ATP8A2: variants seen among roughly 807,000 people sequenced by gnomAD.
ATP8A2 encodes ATPase phospholipid transporting 8A2, also known as phospholipid-transporting ATPase IB.
ATP8A2 carries 100 observed loss-of-function variants against 165.6 expected under a neutral mutation model. The observed-to-expected ratio is 0.60, with a 90% CI of 0.51 to 0.71. The LOEUF (loss-of-function observed/expected upper bound fraction) is 0.71. Among genes scored for constraint, ATP8A2 ranks in the 30% least tolerant of loss-of-function variants. The pLI is 0.00. For synonymous variants in ATP8A2, 543 were observed against 548.8 expected (o/e 0.99, Z 0.15); for missense variants, 1,227 against 1,479.5 (o/e 0.83, Z 2.80).
intron 24 of ATP8A2, among the ~76,000 whole-genome samples, chr13:25,599,033 A>ATT (rs546770126): frequency 1.3e-5 from 2 of 148,560 alleles, no homozygotes; most frequent in Non-Finnish European, 3.0e-5. Context: ...AGCCCTGGGA[A>ATT]TTTTTTTTTT....
intron 24 of ATP8A2, among the ~76,000 whole-genome samples, chr13:25,632,688 C>T (rs2041271391): frequency 6.6e-6 from 1 of 152,100 alleles, no homozygotes; most frequent in African/African-American, 2.4e-5. Context: ...GTAGGATGGG[C>T]CTTAGGTAAA....
At chr13:25,705,922 G>A (rs754240486) in intron 25 of ATP8A2, among the ~76,000 whole-genome samples, 35 of 152,198 alleles carry the variant, frequency 2.3e-4, no homozygotes, top group Non-Finnish European at 4.4e-4. Flanking sequence ...TGAAAACACA[G>A]CAATTAATTT....
At chr13:25,714,249 G>A (rs9578915) in intron 25 of ATP8A2, among the ~76,000 whole-genome samples, 4 of 152,032 alleles carry the variant, frequency 2.6e-5, no homozygotes, top group African/African-American at 9.7e-5. Context: ...CTGTGTCCCG[G>A]CCACATTGGA....
chr13:25,380,452 G>A (rs931431995), intron 1 of ATP8A2, among the ~76,000 whole-genome samples: 5 of 152,090 alleles, frequency 3.3e-5, no homozygotes, highest in African/African-American at 1.2e-4. Flanking sequence ...GGGCTGTAAC[G>A]GCAAAATGTG....
chr13:25,484,640 G>A (rs966390732), intron 2 of ATP8A2, among the ~76,000 whole-genome samples: 9 of 151,936 alleles, frequency 5.9e-5, no homozygotes, highest in African/African-American at 2.2e-4. Context: ...TCAGCTTCCT[G>A]TGCAGCTGGG....
At chr13:25,584,976 G>T (rs983080555) in intron 23 of ATP8A2, among the ~76,000 whole-genome samples, 1 of 151,760 alleles carries the variant, frequency 6.6e-6, no homozygotes, top group African/African-American at 2.4e-5. Context: ...TTAGAGTTTG[G>T]TTTTTTAAAA....
At chr13:25,758,657 C>T (rs1319093764) in intron 25 of ATP8A2, among the ~76,000 whole-genome samples, 1 of 152,176 alleles carries the variant, frequency 6.6e-6, no homozygotes, top group East Asian at 1.9e-4. Context: ...CACCTGCCAC[C>T]ACCACCACAT....
intron 33 of ATP8A2, among the ~76,000 whole-genome samples, chr13:25,935,288 A>G (rs570584180): frequency 2.0e-5 from 3 of 152,222 alleles, no homozygotes; most frequent in African/African-American, 7.2e-5. Context: ...TTGTTTTTCT[A>G]CCTTGGTACA....
chr13:25,372,318 G>C lies in ATP8A2; in HGVS notation c.76+30G>C. The C allele has an allele frequency of 7.0e-7, 1 of 1,424,766 alleles. No homozygotes were observed. Among genetic ancestry groups the C allele is most frequent in the Non-Finnish European group, 9.3e-7 (1 of 1,075,168 alleles). The allele number at this position is 1,424,766 out of a possible 1,614,324, so 88.3% of individuals were successfully genotyped here. A position where few individuals can be genotyped will look rare whatever the true frequency, so the allele number is the denominator to read the frequency against. On this transcript the variant is annotated intron_variant, in intron 1 of 36. Coordinates refer to ENST00000381655, the MANE Select transcript of ATP8A2 (RefSeq NM_016529.6). This position sits in a 1 kb window ranked among gnomAD's most constrained non-coding sequence, Gnocchi z 4.8. Reference sequence around the variant, plus strand: ...GCTGGGAGGGGCGCGGCGAGGGAGGGTGGGCCCGGGGCGGGGGCGGCGCGG... The same window carrying C: ...GCTGGGAGGGGCGCGGCGAGGGAGGCTGGGCCCGGGGCGGGGGCGGCGCGG...
intron 24 of ATP8A2, among the ~76,000 whole-genome samples, chr13:25,597,979 T>A (rs970712718): frequency 2.0e-5 from 3 of 152,098 alleles, no homozygotes; most frequent in African/African-American, 7.2e-5. Flanking sequence ...GAAGAGTGCC[T>A]CTTGTGTTTA....
At chr13:25,389,216 G>C (rs1290960708) in intron 1 of ATP8A2, among the ~76,000 whole-genome samples, 1 of 152,188 alleles carries the variant, frequency 6.6e-6, no homozygotes, top group African/African-American at 2.4e-5. Flanking sequence ...TTAGATGTAA[G>C]GAGAATCAAA....
intron 24 of ATP8A2, among the ~76,000 whole-genome samples, chr13:25,649,476 C>T (rs2041759757): frequency 6.6e-6 from 1 of 152,154 alleles, no homozygotes; most frequent in Non-Finnish European, 1.5e-5. Flanking sequence ...ATGCTATGCA[C>T]AATAGAAATG....
chr13:25,561,100 T>G (rs1209474328), intron 15 of ATP8A2, among the ~76,000 whole-genome samples: 7 of 152,130 alleles, frequency 4.6e-5, no homozygotes, highest in Non-Finnish European at 7.4e-5. Flanking sequence ...TTAGCCAGGA[T>G]GGTCTTGATC....
At chr13:25,726,260 A>T (rs2043491366) in intron 25 of ATP8A2, among the ~76,000 whole-genome samples, 1 of 152,188 alleles carries the variant, frequency 6.6e-6, no homozygotes, top group South Asian at 2.1e-4. Flanking sequence ...GCTACATGTA[A>T]ATGTAACTCA....
chr13:25,395,973 A>G (rs1161166473), intron 1 of ATP8A2, among the ~76,000 whole-genome samples: 1 of 143,960 alleles, frequency 6.9e-6, no homozygotes, highest in African/African-American at 2.5e-5. Context: ...CTTCCTGAGT[A>G]GCTGGGACTA....
intron 27 of ATP8A2, among the ~76,000 whole-genome samples, chr13:25,815,340 T>C (rs1317873200): frequency 2.0e-5 from 3 of 152,138 alleles, no homozygotes; most frequent in Non-Finnish European, 4.4e-5. Context: ...GAAGAGCTCC[T>C]AAACACAACA....
chr13:25,954,648 A>G (rs1470495626), intron 33 of ATP8A2, among the ~76,000 whole-genome samples: 1 of 152,184 alleles, frequency 6.6e-6, no homozygotes, highest in Non-Finnish European at 1.5e-5. Context: ...TCTGGGATGA[A>G]GCTTCTGGAG....
intron 33 of ATP8A2, among the ~76,000 whole-genome samples, chr13:25,883,312 A>G (rs1953040966): frequency 6.6e-6 from 1 of 152,164 alleles, no homozygotes; most frequent in Non-Finnish European, 1.5e-5. Flanking sequence ...TCCAGTACTC[A>G]GGAGGCTGAG....
chr13:26,012,557 A>G lies in ATP8A2; in HGVS notation c.3404A>G (p.Lys1135Arg). The change falls in exon 36 of 37, where the codon AAG (lysine) becomes AGG (arginine). Residue 1135 changes from lysine to arginine, a missense_variant. Coordinates refer to ENST00000381655, the MANE Select transcript of ATP8A2 (RefSeq NM_016529.6). ...KRLNERDRLI[K>R]RLGRKTPPTL... is the part of the protein sequence containing the mutation. The stretch of plus-strand genomic sequence containing the variant: ...CTGAACGAGCGCGACCGCCTGATCA[A>G]GAGGCTGGGCCGGAAGACGCCCCCG... The G allele has an allele frequency of 6.5e-7, 1 of 1,538,706 alleles. No individual in the cohort carries two copies.
Sources: allele counts gnomAD v4.1 joint callset (sites outside exome capture counted in the v4.1 genomes callset), GRCh38; gene constraint gnomAD v4.1.1; non-coding constraint Gnocchi (gnomAD v3.1); transcripts MANE v1.5; gene names NCBI Gene and HGNC (gene_info 2026-07-23, HGNC 2026-07-21).